ADD2: variants seen among roughly 807,000 people sequenced by gnomAD.
The protein encoded by ADD2 is adducin 2.
A neutral mutation model predicts 83.0 loss-of-function variants in ADD2; 23 were observed. The ratio of observed to expected loss-of-function variants is 0.28; its 90% CI spans 0.20 to 0.39. The LOEUF is 0.39. ADD2 is among the 10% of genes least tolerant of loss of function. ADD2 has a pLI of 1.00. For missense variants in ADD2, 758 were observed against 944.9 expected (o/e 0.80, Z 2.59); for synonymous variants, 375 against 375.4 (o/e 1.00, Z 0.01).
Position 70,704,386 on chromosome 2 carries a change from G to T in ADD2, c.257C>A (p.Ala86Asp), listed in dbSNP as rs1239797201. The T allele has an allele frequency of 6.2e-7, 1 of 1,613,920 alleles. No homozygotes were observed. Among genetic ancestry groups the T allele is most frequent in the Non-Finnish European group, 8.5e-7 (1 of 1,179,998 alleles). ...KKGNNSSNIWALRQIADFMAS... is the reference protein window; with the variant it reads ...KKGNNSSNIWDLRQIADFMAS... ...CATGAAGTCCGCGATCTGTCGCAGG[G>T]CCCAGATGTTGGAGGAGTTGTTCCC... The change falls in exon 4 of 16, where the codon GCC becomes GAC. Residue 86 changes from alanine (A) to aspartate (D), a missense_variant. Coordinates refer to ENST00000264436, the MANE Select transcript of ADD2 (RefSeq NM_001617.4).
At position 70,662,161 on chromosome 2, in the gene ADD2, A is replaced by C. The variant is rs927814794; in HGVS notation, c.*1264T>G. On this transcript the variant is annotated 3_prime_UTR_variant, in exon 16 of 16. Transcript: ENST00000264436. ...GAGAATGGATTGTCTAATTTTTAGG[A>C]GCCAACAAATGCTCATTAATCAATG... The C allele has an allele frequency of 3.9e-5, 6 of 152,212 alleles. No homozygotes were observed. The highest frequency in any genetic ancestry group is 3.9e-4 in the Admixed American group (6 of 15,286). The allele number at this position is 152,212 out of a possible 1,614,324, so 9.4% of individuals were successfully genotyped here. A position where few individuals can be genotyped will look rare whatever the true frequency, so the allele number is the denominator to read the frequency against.
intron 6 of ADD2, among the ~76,000 whole-genome samples, chr2:70,695,413 GC>G (rs1442428560): frequency 7.3e-5 from 11 of 151,602 alleles, no homozygotes; most frequent in Admixed American, 1.3e-4. Flanking sequence ...AACCAGAAAG[GC>G]CCCCCATTCC....
intron 4 of ADD2, among the ~76,000 whole-genome samples, chr2:70,702,523 A>G (rs1671645393): frequency 2.0e-5 from 3 of 152,184 alleles, no homozygotes; most frequent in Admixed American, 1.3e-4. Context: ...TGACAAATGC[A>G]TAATTAAGGG....
At chr2:70,719,956 C>G (rs1285875109) in intron 1 of ADD2, among the ~76,000 whole-genome samples, 1 of 152,080 alleles carries the variant, frequency 6.6e-6, no homozygotes. Context: ...CCCAACCACC[C>G]CCCACCAAGA....
intron 1 of ADD2, among the ~76,000 whole-genome samples, chr2:70,747,007 ATTTTTTTT>A (rs34113265): frequency 1.3e-4 from 16 of 121,226 alleles, no homozygotes; most frequent in Admixed American, 4.3e-4. Flanking sequence ...TCCAATATGG[ATTTTTTTT>A]TTTTTTTTTT....
intron 4 of ADD2, among the ~76,000 whole-genome samples, chr2:70,697,431 T>A (rs1346702193): frequency 6.6e-6 from 1 of 152,220 alleles, no homozygotes; most frequent in Non-Finnish European, 1.5e-5. Flanking sequence ...ACATCCAGTC[T>A]ATCCCGTTAA....
chr2:70,705,618 A>G (rs1329444717), intron 3 of ADD2, among the ~76,000 whole-genome samples: 1 of 152,144 alleles, frequency 6.6e-6, no homozygotes, highest in African/African-American at 2.4e-5. Flanking sequence ...ACCTGCCTCA[A>G]GGAGGAGCTG....
intron 1 of ADD2, among the ~76,000 whole-genome samples, chr2:70,733,345 T>C (rs1553379644): frequency 6.6e-6 from 1 of 152,206 alleles, no homozygotes; most frequent in East Asian, 1.9e-4. Context: ...ACCATGCCAC[T>C]ATCAGGATGT....
intron 1 of ADD2, among the ~76,000 whole-genome samples, chr2:70,718,858 A>G (rs939771043): frequency 2.0e-5 from 3 of 152,222 alleles, no homozygotes; most frequent in African/African-American, 7.2e-5. Flanking sequence ...AGGGGAGCAG[A>G]TGCCAGGGGC....
intron 1 of ADD2, among the ~76,000 whole-genome samples, chr2:70,725,185 G>A (rs1354905783): frequency 6.6e-6 from 1 of 152,186 alleles, no homozygotes; most frequent in Non-Finnish European, 1.5e-5. Flanking sequence ...AATTAAATGG[G>A]TTCATCCATG....
chr2:70,686,305 C>T lies in ADD2; in HGVS notation c.948+1719G>A, dbSNP rs144083139. On this transcript the variant is annotated intron_variant, in intron 9 of 15. Coordinates refer to ENST00000264436, the MANE Select transcript of ADD2 (RefSeq NM_001617.4). ...TACCAGCTGGGGGAAAAAAAGGTCA[C>T]TGGAGCTTGCCCGGGGTTATCTGTC... Among the ~76,000 whole-genome samples, 710 of 152,310 alleles carry T rather than the reference C, an allele frequency of 4.7e-3. 4 individuals carry two copies. Among genetic ancestry groups the T allele is most frequent in the Non-Finnish European group, 7.3e-3 (494 of 68,030 alleles).
chr2:70,657,511 C>A lies in ADD2; in HGVS notation c.*5914G>T, dbSNP rs974274567. 6.6e-6 allele frequency: 1 copy of A among 152,054 alleles called. No homozygotes were observed. Among genetic ancestry groups the A allele is most frequent in the Non-Finnish European group, 1.5e-5 (1 of 68,034 alleles). The allele number at this position is 152,054 out of a possible 1,614,324, so 9.4% of individuals were successfully genotyped here. ...GCAGTCCTTGGGTATCAATCAATCA[C>A]CCACAAAGCAGGACCAACAGGTGTG... On this transcript the variant is annotated 3_prime_UTR_variant, in exon 16 of 16. Transcript: ENST00000264436.
chr2:70,679,105 A>C, intron 10 of ADD2, 144 bp from the exon 11 acceptor site: 3 of 1,000,676 alleles, frequency 3.0e-6, no homozygotes, highest in East Asian at 2.7e-5. Context: ...TAGGCTTTCC[A>C]CTCTTCTGGT....
intron 1 of ADD2, among the ~76,000 whole-genome samples, chr2:70,728,434 G>A (rs970422626): frequency 1.3e-5 from 2 of 152,220 alleles, no homozygotes; most frequent in Non-Finnish European, 2.9e-5. Context: ...TGAGATGCCT[G>A]TGTGAGGAGT....
chr2:70,700,097 G>A (rs1671513950), intron 4 of ADD2, among the ~76,000 whole-genome samples: 1 of 151,960 alleles, frequency 6.6e-6, no homozygotes, highest in Non-Finnish European at 1.5e-5. Context: ...CAAATGTAAT[G>A]GGAGAAAATT....
chr2:70,718,925 T>G lies in ADD2; in HGVS notation c.-153-5741A>C, dbSNP rs182519075. Among the ~76,000 whole-genome samples the G allele has an allele frequency of 2.1e-3, 318 of 152,320 alleles. 2 individuals carry two copies. Among genetic ancestry groups the G allele is most frequent in the African/African-American group, 7.3e-3 (304 of 41,558 alleles). ...AGTGGCCAGAGCCCAATTTCTATAT[T>G]CCTGGCAGAAGCCTTGAGGACTTGG... On this transcript the variant is annotated intron_variant, in intron 1 of 15. Coordinates refer to ENST00000264436, the MANE Select transcript of ADD2 (RefSeq NM_001617.4).
intron 1 of ADD2, among the ~76,000 whole-genome samples, chr2:70,759,948 T>C (rs1261597127): frequency 6.6e-6 from 1 of 152,050 alleles, no homozygotes; most frequent in African/African-American, 2.4e-5. Context: ...CCCTGTTTCA[T>C]TGAGCCTGGG....
At chr2:70,747,065 A>G (rs1291435052) in intron 1 of ADD2, among the ~76,000 whole-genome samples, 1 of 138,888 alleles carries the variant, frequency 7.2e-6, no homozygotes, top group Non-Finnish European at 1.5e-5. Flanking sequence ...GCTGGAGTGC[A>G]GTGGAGCTGA....
Position 70,676,634 on chromosome 2 carries a change from C to T in ADD2, c.1593+162G>A. On this transcript the variant is annotated intron_variant, in intron 13 of 15. Coordinates refer to ENST00000264436, the MANE Select transcript of ADD2 (RefSeq NM_001617.4). The surrounding 1 kb of genome is among the most constrained non-coding windows in gnomAD (Gnocchi z 4.8). ...TTGTCCTCCCTGGTCCTCACAGCAC[C>T]CCTGTGAGGTTGGCCTCCATTTTGC... 9 of 1,474,740 alleles carry T rather than the reference C, an allele frequency of 6.1e-6. No individual in the cohort carries two copies. Among genetic ancestry groups the T allele is most frequent in the African/African-American group, 2.8e-5 (2 of 71,034 alleles). 91.4% of individuals were successfully genotyped at this position (1,474,740 alleles called of 1,614,324 possible).
Sources: gnomAD v4.1 joint callset for allele counts (sites outside exome capture counted in the v4.1 genomes callset) on GRCh38, gnomAD v4.1.1 for gene constraint, Gnocchi (gnomAD v3.1) non-coding constraint, MANE v1.5 for transcripts, NCBI Gene and HGNC (gene_info 2026-07-23, HGNC 2026-07-21) for gene names.